Variants in NRDE2 observed in about 807,000 individuals in gnomAD.
NRDE2 encodes NRDE-2, necessary for RNA interference, domain containing, also known as nuclear exosome regulator NRDE2.
In NRDE2, 76 loss-of-function variants were observed where a neutral mutation model predicts 124.2. That is an observed-to-expected ratio of 0.61 (90% CI 0.51 to 0.74). The LOEUF (loss-of-function observed/expected upper bound fraction) is 0.74, where lower values mean the gene tolerates loss of function less well. Among genes scored for constraint, NRDE2 ranks in the 30% least tolerant of loss-of-function variants. The probability of loss-of-function intolerance (pLI) is 0.00; values close to 1 mark genes in which losing one functional copy is unlikely to be tolerated. For synonymous variants in NRDE2, 489 were observed against 528.1 expected, an observed-to-expected ratio of 0.93 and a Z score of 1.01; for missense variants, 1,314 against 1,417.3, an observed-to-expected ratio of 0.93 and a Z score of 1.17.
At position 90,273,362 on chromosome 14, in the gene NRDE2, A is replaced by C. The variant is rs1485382330; in HGVS notation, c.*4974T>G. 3.3e-5 allele frequency: 5 copies of C among 151,506 alleles called. No individual in the cohort carries two copies. The highest frequency in any genetic ancestry group is 1.2e-4 in the African/African-American group (5 of 41,502). The allele number at this position is 151,506 out of a possible 1,614,324, so 9.4% of individuals were successfully genotyped here. On this transcript the variant is annotated 3_prime_UTR_variant, in exon 14 of 14. Coordinates refer to ENST00000354366, the MANE Select transcript of NRDE2 (RefSeq NM_017970.4). ...ATCACAAGGTCAGAAGTTTGAGGCCAGCCTGGCCAACATGGTGAAACCCCA... is the reference window on the plus strand; with the variant it reads ...ATCACAAGGTCAGAAGTTTGAGGCCCGCCTGGCCAACATGGTGAAACCCCA...
chr14:90,283,065 T>G (rs772394731), intron 12 of NRDE2, among the ~76,000 whole-genome samples: 5 of 152,170 alleles, frequency 3.3e-5, no homozygotes, highest in Non-Finnish European at 7.3e-5. Flanking sequence ...CCAGGGAGCC[T>G]TAGCCTTCCC....
intron 12 of NRDE2, among the ~76,000 whole-genome samples, chr14:90,285,404 C>T (rs760926134): frequency 2.7e-5 from 4 of 147,762 alleles, no homozygotes; most frequent in African/African-American, 7.5e-5. Flanking sequence ...CGCGTTCCAG[C>T]GATTCTCCTG....
chr14:90,322,474 C>T (rs1885278106), intron 1 of NRDE2, among the ~76,000 whole-genome samples: 1 of 152,096 alleles, frequency 6.6e-6, no homozygotes, highest in African/African-American at 2.4e-5. Context: ...TGAGGATATG[C>T]ACCATATCTT....
Position 90,290,551 on chromosome 14 carries a change from C to T in NRDE2, c.1899G>A (p.Gln633=). ...SLIRLSSHDL[Q]FQLVEAFLQF... is the part of the protein sequence containing the mutation. Reference sequence around the variant, plus strand: ...GCAGGAAGGCCTCCACCAGCTGGAACTGAAGATCATGGCTGGAAAGTCTGA... The same window carrying T: ...GCAGGAAGGCCTCCACCAGCTGGAATTGAAGATCATGGCTGGAAAGTCTGA... The change falls in exon 10 of 14, where the codon CAG becomes CAA. Residue 633 remains glutamine, a synonymous_variant. Coordinates refer to ENST00000354366, the MANE Select transcript of NRDE2 (RefSeq NM_017970.4). 1 of 1,613,682 alleles carries T rather than the reference C, an allele frequency of 6.2e-7. No individual in the cohort carries two copies. The highest frequency in any genetic ancestry group is 1.3e-5 in the African/African-American group (1 of 75,030).
At chr14:90,321,549 TAAAAA>T (rs1012195271) in intron 1 of NRDE2, among the ~76,000 whole-genome samples, 1 of 108,812 alleles carries the variant, frequency 9.2e-6, no homozygotes. Context: ...CCAGCTCTAT[TAAAAA>T]AAAAAAAAAA....
chr14:90,319,287 C>CA (rs1369920181), intron 1 of NRDE2, among the ~76,000 whole-genome samples: 1 of 152,116 alleles, frequency 6.6e-6, no homozygotes, highest in Non-Finnish European at 1.5e-5. Context: ...GTTGAAGGTA[C>CA]AAAAGAGGAG....
intron 3 of NRDE2, among the ~76,000 whole-genome samples, chr14:90,314,868 C>CTCTAAAG (rs1884980764): frequency 6.6e-6 from 1 of 151,920 alleles, no homozygotes; most frequent in Non-Finnish European, 1.5e-5. Context: ...TTATTTTTTC[C>CTCTAAAG]TCTAAAGAGC....
chr14:90,310,668 T>G (rs568958247), intron 4 of NRDE2, among the ~76,000 whole-genome samples: 14 of 152,216 alleles, frequency 9.2e-5, no homozygotes, highest in African/African-American at 2.9e-4. Context: ...TACAGGCATG[T>G]GACAACATGC....
chr14:90,305,756 G>A lies in NRDE2; in HGVS notation c.558-1374C>T, dbSNP rs78110749. Among the ~76,000 whole-genome samples, 1,113 of 152,320 alleles carry A rather than the reference G, an allele frequency of 7.3e-3. 21 individuals are homozygous for A. Among genetic ancestry groups the A allele is most frequent in the African/African-American group, 0.026 (1,072 of 41,562 alleles). ...ATTGAGGGTGGAAACAAGTAAGAAC[G>A]GTGATTGCCTCTGGGAGAATGGGGT... On this transcript the variant is annotated intron_variant, in intron 4 of 13. Coordinates refer to ENST00000354366, the MANE Select transcript of NRDE2 (RefSeq NM_017970.4).
chr14:90,270,010 A>T lies in NRDE2; in HGVS notation c.*8326T>A. 1 of 594,518 alleles carries T rather than the reference A, an allele frequency of 1.7e-6. No individual in the cohort carries two copies. Among genetic ancestry groups the T allele is most frequent in the Non-Finnish European group, 2.8e-6 (1 of 352,160 alleles). 36.8% of individuals were successfully genotyped at this position (594,518 alleles called of 1,614,324 possible). A position where few individuals can be genotyped will look rare whatever the true frequency, so the allele number is the denominator to read the frequency against. On this transcript the variant is annotated 3_prime_UTR_variant, in exon 14 of 14. Coordinates refer to ENST00000354366, the MANE Select transcript of NRDE2 (RefSeq NM_017970.4). ...AGCAGAGAGAGTTTCTTTTAAATGA[A>T]GAGAATTCAAATGTAGAAATCTACA...
At chr14:90,310,043 C>T (rs1884769153) in intron 4 of NRDE2, among the ~76,000 whole-genome samples, 1 of 152,146 alleles carries the variant, frequency 6.6e-6, no homozygotes, top group Non-Finnish European at 1.5e-5. Context: ...ATTTGCACAC[C>T]AATTTCCAAT....
chr14:90,278,327 C>G lies in NRDE2; in HGVS notation c.*9G>C, dbSNP rs761170619. On this transcript the variant is annotated 3_prime_UTR_variant, in exon 14 of 14. Coordinates refer to ENST00000354366, the MANE Select transcript of NRDE2 (RefSeq NM_017970.4). ...GCCTCGCAGGCACAGCCCGTTTTCC[C>G]GCTGCTCTCTAATCCTCCAGCAGCA... 6.2e-7 allele frequency: 1 copy of G among 1,613,918 alleles called. No individual in the cohort carries two copies. Among genetic ancestry groups the G allele is most frequent in the African/African-American group, 1.3e-5 (1 of 74,914 alleles).
At position 90,271,292 on chromosome 14, in the gene NRDE2, A is replaced by G. The variant is rs1891654945; in HGVS notation, c.*7044T>C. The G allele has an allele frequency of 6.6e-6, 1 of 152,218 alleles. No homozygotes were observed. Among genetic ancestry groups the G allele is most frequent in the Non-Finnish European group, 1.5e-5 (1 of 68,038 alleles). The allele number at this position is 152,218 out of a possible 1,614,324, so 9.4% of individuals were successfully genotyped here. A position where few individuals can be genotyped will look rare whatever the true frequency, so the allele number is the denominator to read the frequency against. On this transcript the variant is annotated 3_prime_UTR_variant, in exon 14 of 14. Transcript: ENST00000354366. ...ACATCTTGTTTTTGCCACAGTAATT[A>G]CTGGCCAAAAGAAAAAGAAAACAAT... is the stretch of plus-strand genomic sequence containing the variant.
At chr14:90,300,977 A>G (rs2139687511) in intron 7 of NRDE2, among the ~76,000 whole-genome samples, 1 of 146,096 alleles carries the variant, frequency 6.8e-6, no homozygotes, top group Admixed American at 6.9e-5. Context: ...GAGTCCTCAG[A>G]GAGCCTTTAT....
chr14:90,278,673 G>C (rs548051602), intron 13 of NRDE2: 2 of 584,810 alleles, frequency 3.4e-6, no homozygotes, highest in South Asian at 4.4e-5. Context: ...AACGCCAAGC[G>C]AGGCCTTCTC....
rs142182465 is a variant in NRDE2 at position 90,278,071 on chromosome 14, C to A, written c.*265G>T. 7 of 329,836 alleles carry A rather than the reference C, an allele frequency of 2.1e-5. No homozygotes were observed. The highest frequency in any genetic ancestry group is 4.1e-5 in the Non-Finnish European group (7 of 171,478). The allele number at this position is 329,836 out of a possible 1,614,324, so 20.4% of individuals were successfully genotyped here. On this transcript the variant is annotated 3_prime_UTR_variant, in exon 14 of 14. Coordinates refer to ENST00000354366, the MANE Select transcript of NRDE2 (RefSeq NM_017970.4). ...GACGCTGCCACGCCTCAATCATCAT[C>A]GGTTTAATGACCACGTGGCATGACT... is the stretch of plus-strand genomic sequence containing the variant.
In NRDE2 at chr14:90,268,785, A is replaced by G. The variant is rs1172219306; in HGVS notation, c.*9551T>C. The G allele has an allele frequency of 2.8e-5, 5 of 179,268 alleles. No homozygotes were observed. Among genetic ancestry groups the G allele is most frequent in the Non-Finnish European group, 2.3e-5 (2 of 86,018 alleles). The allele number at this position is 179,268 out of a possible 1,614,324, so 11.1% of individuals were successfully genotyped here. ...TACAATTTCAGACACAGAAACTGCT[A>G]TGAAAAAATATGATCTGTAACTTGG... On this transcript the variant is annotated 3_prime_UTR_variant, in exon 14 of 14. Coordinates refer to ENST00000354366, the MANE Select transcript of NRDE2 (RefSeq NM_017970.4).
chr14:90,279,229 T>C (rs1290378275), intron 12 of NRDE2, 96 bp from the exon 13 acceptor site: 2 of 932,530 alleles, frequency 2.1e-6, no homozygotes, highest in South Asian at 1.4e-5. Context: ...AGCCCTCAGC[T>C]GCAGTGAGCC....
chr14:90,317,115 C>G (rs181714758), intron 2 of NRDE2, among the ~76,000 whole-genome samples: 41 of 152,158 alleles, frequency 2.7e-4, no homozygotes, highest in Non-Finnish European at 6.0e-4. Flanking sequence ...ATTTTTAAGA[C>G]ATTATTAAAG....
Sources: allele counts gnomAD v4.1 joint callset (sites outside exome capture counted in the v4.1 genomes callset), GRCh38; gene constraint gnomAD v4.1.1; transcripts MANE v1.5; gene names NCBI Gene and HGNC (gene_info 2026-07-23, HGNC 2026-07-21).